Variants in ZFPM1 observed in about 807,000 individuals in gnomAD.
ZFPM1 encodes zinc finger protein ZFPM1.
Under a neutral mutation model 46.3 loss-of-function variants are expected in ZFPM1, and 28 were observed. The observed-to-expected ratio is 0.60, with a 90% CI of 0.45 to 0.83. The LOEUF (loss-of-function observed/expected upper bound fraction) is 0.83. ZFPM1 is among the 40% of genes least tolerant of loss of function. The pLI, the probability that ZFPM1 is intolerant of heterozygous loss-of-function variation, is 0.00. For synonymous variants in ZFPM1, 957 were observed against 675.9 expected (o/e 1.42, Z -6.45); for missense variants, 1,878 against 1,432.4 (o/e 1.31, Z -5.02).
intron 2 of ZFPM1, among the ~76,000 whole-genome samples, chr16:88,487,720 C>T (rs1239564733): frequency 6.6e-6 from 1 of 152,162 alleles, no homozygotes; most frequent in African/African-American, 2.4e-5. Context: ...GGCCTCACCC[C>T]CATCTGCACA....
chr16:88,501,779 G>C (rs576451092), intron 3 of ZFPM1, among the ~76,000 whole-genome samples: 2 of 151,348 alleles, frequency 1.3e-5, no homozygotes, highest in South Asian at 4.2e-4. Flanking sequence ...TGGAGATAGC[G>C]GGCATGGGTG....
intron 2 of ZFPM1, among the ~76,000 whole-genome samples, chr16:88,486,707 G>A (rs1395539763): frequency 1.3e-5 from 2 of 151,530 alleles, no homozygotes; most frequent in Non-Finnish European, 2.9e-5. Flanking sequence ...GTGCAAGTGG[G>A]TACTGGGGGC....
At chr16:88,494,587 C>A (rs1364271383) in intron 3 of ZFPM1, among the ~76,000 whole-genome samples, 2 of 152,132 alleles carry the variant, frequency 1.3e-5, no homozygotes, top group South Asian at 4.1e-4. Flanking sequence ...GGGGTGTCCG[C>A]GGGCCTCCAG....
intron 1 of ZFPM1, among the ~76,000 whole-genome samples, chr16:88,483,871 C>T (rs1161866891): frequency 1.3e-5 from 2 of 152,210 alleles, no homozygotes; most frequent in East Asian, 1.9e-4. Context: ...TCCACCTTCC[C>T]GCCTCCCTGC....
At position 88,487,281 on chromosome 16, in the gene ZFPM1, C is replaced by T. The variant is rs143391965; in HGVS notation, c.145+1238C>T. Reference sequence around the variant, plus strand: ...TTGTGGGGTGGGCTCCACCCAGCTCCCCCACACTCCACTTGCAGCCCCAGG... The same window carrying T: ...TTGTGGGGTGGGCTCCACCCAGCTCTCCCACACTCCACTTGCAGCCCCAGG... On this transcript the variant is annotated intron_variant, in intron 2 of 9. Transcript: ENST00000319555. Among the ~76,000 whole-genome samples, 449 of 152,258 alleles carry T rather than the reference C, an allele frequency of 2.9e-3. 2 individuals carry two copies. Among genetic ancestry groups the T allele is most frequent in the Non-Finnish European group, 5.4e-3 (369 of 68,004 alleles).
chr16:88,486,484 G>A (rs1909230013), intron 2 of ZFPM1, among the ~76,000 whole-genome samples: 1 of 152,122 alleles, frequency 6.6e-6, no homozygotes, highest in Admixed American at 6.5e-5. Flanking sequence ...TGGGTGCTGG[G>A]TGCACAGTGG....
chr16:88,494,087 C>T (rs541367327), intron 3 of ZFPM1, among the ~76,000 whole-genome samples: 103 of 152,232 alleles, frequency 6.8e-4, no homozygotes, highest in African/African-American at 2.4e-3. Context: ...GAGTGTGTAG[C>T]GCAGAGTGTG....
chr16:88,532,373 C>T lies in ZFPM1; in HGVS notation c.946+138C>T, dbSNP rs936506379. The T allele has an allele frequency of 7.1e-6, 7 of 990,680 alleles. No homozygotes were observed. In the African/African-American group the frequency reaches 8.2e-5, roughly 12 times the overall value. 61.4% of individuals were successfully genotyped at this position (990,680 alleles called of 1,614,324 possible). A position where few individuals can be genotyped will look rare whatever the true frequency, so the allele number is the denominator to read the frequency against. On this transcript the variant is annotated intron_variant, in intron 7 of 9. Coordinates refer to ENST00000319555, the MANE Select transcript of ZFPM1 (RefSeq NM_153813.3). ...TGCGCGGTCTCCGGCACACCCAGGG[C>T]CCCCGCAGGGGCCCAGAGCAGGCAG...
At chr16:88,509,816 G>C (rs1211718924) in intron 3 of ZFPM1, among the ~76,000 whole-genome samples, 1 of 152,216 alleles carries the variant, frequency 6.6e-6, no homozygotes, top group Non-Finnish European at 1.5e-5. Flanking sequence ...GCTGCTTGCT[G>C]GAGTCTCTGG....
At chr16:88,494,680 G>T (rs1909832867) in intron 3 of ZFPM1, among the ~76,000 whole-genome samples, 2 of 152,294 alleles carry the variant, frequency 1.3e-5, no homozygotes, top group South Asian at 2.1e-4. Context: ...CAGGGCCTGA[G>T]TGGGGGGCGA....
intron 3 of ZFPM1, among the ~76,000 whole-genome samples, chr16:88,492,348 C>T (rs1909628309): frequency 6.6e-6 from 1 of 152,214 alleles, no homozygotes; most frequent in Non-Finnish European, 1.5e-5. Context: ...TCTGAACCTG[C>T]CCCAGCCCCT....
chr16:88,485,450 T>TG (rs1195756469), intron 1 of ZFPM1, among the ~76,000 whole-genome samples: 1 of 151,238 alleles, frequency 6.6e-6, no homozygotes, highest in African/African-American at 2.4e-5. Flanking sequence ...CTTTTTTTTT[T>TG]TTTTTTGAAA....
At chr16:88,508,493 G>A (rs762688765) in intron 3 of ZFPM1, among the ~76,000 whole-genome samples, 1 of 152,226 alleles carries the variant, frequency 6.6e-6, no homozygotes, top group African/African-American at 2.4e-5. Context: ...TCCAACCACA[G>A]GCCTTGGGCT....
chr16:88,479,318 G>A (rs542684840), intron 1 of ZFPM1, among the ~76,000 whole-genome samples: 2 of 152,236 alleles, frequency 1.3e-5, no homozygotes, highest in African/African-American at 4.8e-5. Flanking sequence ...TTCACGGGAT[G>A]AGAGATGCTC....
At position 88,535,030 on chromosome 16, in the gene ZFPM1, G is replaced by C; in HGVS notation, c.*51G>C. The C allele has an allele frequency of 7.4e-7, 1 of 1,355,894 alleles. No homozygotes were observed. The highest frequency in any genetic ancestry group is 9.6e-7 in the Non-Finnish European group (1 of 1,046,146). 84.0% of individuals were successfully genotyped at this position (1,355,894 alleles called of 1,614,324 possible). On this transcript the variant is annotated 3_prime_UTR_variant, in exon 10 of 10. Coordinates refer to ENST00000319555, the MANE Select transcript of ZFPM1 (RefSeq NM_153813.3). Reference sequence around the variant, plus strand: ...TTTGCACGCCCCGCTGCGATGCGGGGAGGGGGCCGCCCCCAGGCCGCACGG... The same window carrying C: ...TTTGCACGCCCCGCTGCGATGCGGGCAGGGGGCCGCCCCCAGGCCGCACGG...
intron 3 of ZFPM1, among the ~76,000 whole-genome samples, chr16:88,508,437 T>G (rs1910776768): frequency 6.6e-6 from 1 of 152,214 alleles, no homozygotes; most frequent in African/African-American, 2.4e-5. Flanking sequence ...GGACCACCCT[T>G]TCTACTGCCC....
At chr16:88,516,005 T>C (rs960653213) in intron 4 of ZFPM1, 279 of 397,140 alleles carry the variant, frequency 7.0e-4, no homozygotes, top group Non-Finnish European at 2.5e-4. Flanking sequence ...GCAAAGACCG[T>C]AGGGGCTGAG....
In ZFPM1 at chr16:88,522,675, C is replaced by T. The variant is rs74035534; in HGVS notation, c.403-4139C>T. ...GGGAAACAAGGAACATTCTCAGGTC[C>T]GCCCGGGGAATTTAAAGTGGCCACT... On this transcript the variant is annotated intron_variant, in intron 4 of 9. Coordinates refer to ENST00000319555, the MANE Select transcript of ZFPM1 (RefSeq NM_153813.3). Among the ~76,000 whole-genome samples, 549 of 152,324 alleles carry T rather than the reference C, an allele frequency of 3.6e-3. 5 individuals are homozygous for T. The highest frequency in any genetic ancestry group is 0.013 in the African/African-American group (535 of 41,568).
chr16:88,478,043 T>G (rs1321436547), intron 1 of ZFPM1, among the ~76,000 whole-genome samples: 1 of 151,514 alleles, frequency 6.6e-6, no homozygotes, highest in Non-Finnish European at 1.5e-5. Context: ...CATGGCAGGG[T>G]GTGTGGGAGC....
Sources: allele counts gnomAD v4.1 joint callset (sites outside exome capture counted in the v4.1 genomes callset), GRCh38; gene constraint gnomAD v4.1.1; transcripts MANE v1.5; gene names NCBI Gene and HGNC (gene_info 2026-07-23, HGNC 2026-07-21).